Variants in CD1B observed in about 807,000 individuals in gnomAD.
CD1B encodes the protein T-cell surface glycoprotein CD1b.
CD1B carries 43 observed loss-of-function variants against 39.8 expected under a neutral mutation model. The ratio of observed to expected loss-of-function variants is 1.08; its 90% CI spans 0.85 to 1.39. The LOEUF is 1.39. Ranked by LOEUF, CD1B falls within the 40% of genes most tolerant of loss-of-function variation. The pLI, the probability that CD1B is intolerant of heterozygous loss-of-function variation, is 0.00. For missense variants in CD1B, 495 were observed against 403.8 expected, an observed-to-expected ratio of 1.23 and a Z score of -1.94; for synonymous variants, 192 against 152.5, an observed-to-expected ratio of 1.26 and a Z score of -1.91.
chr1:158,310,603 C>A, the CD1B span, among the ~76,000 whole-genome samples: 1 of 152,008 alleles, frequency 6.6e-6, no homozygotes, highest in African/African-American at 2.4e-5. Context: ...CTATAAGGAA[C>A]TTAAATTAAC....
the CD1B span, among the ~76,000 whole-genome samples, chr1:158,320,440 C>A: frequency 1.8e-4 from 28 of 152,152 alleles, no homozygotes; most frequent in Non-Finnish European, 3.5e-4. Context: ...GTCCGTCACC[C>A]CTTTCTTTGA....
chr1:158,310,256 GGCTA>G, the CD1B span, among the ~76,000 whole-genome samples: 1 of 152,134 alleles, frequency 6.6e-6, no homozygotes, highest in Non-Finnish European at 1.5e-5. Flanking sequence ...TGTGCTAACT[GGCTA>G]GCCATATGCA....
the CD1B span, among the ~76,000 whole-genome samples, chr1:158,321,509 G>A: frequency 2.6e-5 from 4 of 152,096 alleles, no homozygotes; most frequent in Admixed American, 1.3e-4. Context: ...TACATTCAAG[G>A]TAACTACCAA....
the CD1B span, among the ~76,000 whole-genome samples, chr1:158,301,145 A>T: frequency 1.3e-5 from 2 of 151,812 alleles, no homozygotes; most frequent in African/African-American, 4.8e-5. Context: ...TTTGCTTGGT[A>T]GAGTGTCCTC....
the CD1B span, among the ~76,000 whole-genome samples, chr1:158,301,069 T>A: frequency 2.0e-5 from 3 of 152,116 alleles, no homozygotes; most frequent in African/African-American, 7.2e-5. Context: ...TCTTTTGATC[T>A]TTATTGGTTA....
chr1:158,310,031 A>T, the CD1B span, among the ~76,000 whole-genome samples: 7 of 152,112 alleles, frequency 4.6e-5, no homozygotes, highest in African/African-American at 1.7e-4. Flanking sequence ...AGCAAAAAGA[A>T]CAAAGCTGGA....
At chr1:158,317,130 G>C in the CD1B span, among the ~76,000 whole-genome samples, 2 of 151,764 alleles carry the variant, frequency 1.3e-5, no homozygotes, top group Admixed American at 1.3e-4. Context: ...TCTCTTTTTT[G>C]GTTGTGTCTC....
chr1:158,314,650 T>A, the CD1B span, among the ~76,000 whole-genome samples: 48,188 of 149,500 alleles, frequency 0.32, 8,169 homozygotes, highest in African/African-American at 0.45. Flanking sequence ...TTGTTTTTTT[T>A]ATTTTTTTAT....
At chr1:158,300,337 C>T in the CD1B span, among the ~76,000 whole-genome samples, 365 of 152,066 alleles carry the variant, frequency 2.4e-3, 2 homozygotes, top group African/African-American at 6.7e-3. Flanking sequence ...CACTGTGGTC[C>T]GAGAGACAGT....
the CD1B span, chr1:158,291,936 CTCT>C: frequency 1.3e-6 from 1 of 760,986 alleles, no homozygotes; most frequent in South Asian, 1.9e-5. Context: ...CAATTTTTCT[CTCT>C]TGTTTCTGAT....
In CD1B at chr1:158,330,972, T is replaced by C. The variant is rs1161989733; in HGVS notation, c.152A>G (p.Asp51Gly). 7 of 1,614,084 alleles carry C rather than the reference T, an allele frequency of 4.3e-6. No individual in the cohort carries two copies. The East Asian group carries it at 1.3e-4, about 31-fold the overall frequency. The change falls in exon 2 of 6, where the codon GAT (aspartate) becomes GGT (glycine). Residue 51 changes from aspartate to glycine, a missense_variant. Asp to Gly is a moderately conservative substitution (Grantham distance 94). Coordinates refer to ENST00000368168, the MANE Select transcript of CD1B (RefSeq NM_001764.3). The stretch of plus-strand genomic sequence containing the variant: ...ATCCCAGCCATGAATCTGCAAATCA[T>C]CCAACCAGCCTGAGCCTTGAGTTTG... ...WAQTQGSGWL[D>G]DLQIHGWDSD...
At chr1:158,296,082 C>A in the CD1B span, among the ~76,000 whole-genome samples, 1 of 152,184 alleles carries the variant, frequency 6.6e-6, no homozygotes, top group South Asian at 2.1e-4. Context: ...TGAGTGTGGA[C>A]CCCACCATGC....
chr1:158,315,696 C>T, the CD1B span, among the ~76,000 whole-genome samples: 1 of 151,684 alleles, frequency 6.6e-6, no homozygotes, highest in Non-Finnish European at 1.5e-5. Context: ...CTTTTGTTGC[C>T]ATTGCTTTTG....
At chr1:158,293,130 T>C in the CD1B span, 4 of 1,129,426 alleles carry the variant, frequency 3.5e-6, no homozygotes. Context: ...CCAATGCATA[T>C]GTTAAGTAAG....
At chr1:158,290,926 G>A in the CD1B span, among the ~76,000 whole-genome samples, 2 of 152,070 alleles carry the variant, frequency 1.3e-5, no homozygotes, top group African/African-American at 4.8e-5. Flanking sequence ...CAGAATGGTT[G>A]CCATTTGAGC....
chr1:158,317,931 A>G, the CD1B span, among the ~76,000 whole-genome samples: 3 of 152,236 alleles, frequency 2.0e-5, no homozygotes, highest in East Asian at 5.8e-4. Flanking sequence ...CCCAGTAGTC[A>G]TTCAGAAGCA....
chr1:158,290,617 A>G, the CD1B span, among the ~76,000 whole-genome samples: 1 of 152,168 alleles, frequency 6.6e-6, no homozygotes, highest in African/African-American at 2.4e-5. Context: ...CCTAAGGTTA[A>G]GGGAAGCAGA....
downstream of CD1B, chr1:158,327,885 A>G (rs578154489): frequency 6.0e-5 from 11 of 184,328 alleles, no homozygotes; most frequent in East Asian, 1.1e-3. Context: ...TTTCTTTGAC[A>G]AATGATATTT....
chr1:158,319,976 G>A, the CD1B span, among the ~76,000 whole-genome samples: 1 of 152,184 alleles, frequency 6.6e-6, no homozygotes, highest in African/African-American at 2.4e-5. Context: ...GGCTGCTCGG[G>A]AGTCAGGGGT....
Sources: allele counts gnomAD v4.1 joint callset (sites outside exome capture counted in the v4.1 genomes callset), GRCh38; gene constraint gnomAD v4.1.1; transcripts MANE v1.5; gene names NCBI Gene and HGNC (gene_info 2026-07-23, HGNC 2026-07-21).